Variants in CEP63 observed in about 807,000 individuals in gnomAD.
CEP63 encodes the protein centrosomal protein 63.
A neutral mutation model predicts 89.1 loss-of-function variants in CEP63; 84 were observed. That is an observed-to-expected ratio of 0.94 (90% confidence interval 0.79 to 1.13). The LOEUF (loss-of-function observed/expected upper bound fraction) is 1.13. CEP63 is among the 50% of genes most tolerant of loss of function. The probability of loss-of-function intolerance (pLI) is 0.00; values close to 1 mark genes in which losing one functional copy is unlikely to be tolerated. For missense variants in CEP63, 838 were observed against 813.3 expected, an observed-to-expected ratio of 1.03 and a Z score of -0.37; for synonymous variants, 267 against 272.5, an observed-to-expected ratio of 0.98 and a Z score of 0.20.
At chr3:134,534,394 A>G (rs1340067240) in intron 5 of CEP63, among the ~76,000 whole-genome samples, 1 of 152,194 alleles carries the variant, frequency 6.6e-6, no homozygotes, top group African/African-American at 2.4e-5. Context: ...GCATTCAATT[A>G]TCAGACTACC....
chr3:134,537,498 G>A (rs1278832013), intron 6 of CEP63, among the ~76,000 whole-genome samples: 1 of 152,020 alleles, frequency 6.6e-6, no homozygotes, highest in Non-Finnish European at 1.5e-5. Flanking sequence ...CCTTGTGCCC[G>A]CTTGCTGCTT....
intron 3 of CEP63, among the ~76,000 whole-genome samples, chr3:134,518,299 G>C (rs1946657213): frequency 6.6e-6 from 1 of 152,158 alleles, no homozygotes; most frequent in Admixed American, 6.5e-5. Flanking sequence ...ACTTAACCTA[G>C]TTAATAAACT....
chr3:134,567,257 C>T (rs576808765), downstream of CEP63, among the ~76,000 whole-genome samples: 31 of 139,986 alleles, frequency 2.2e-4, no homozygotes, highest in South Asian at 3.0e-3. Context: ...TAGGGATTGG[C>T]GGCGGAAGGT....
At chr3:134,737,265 A>G in the CEP63 span, among the ~76,000 whole-genome samples, 7 of 152,220 alleles carry the variant, frequency 4.6e-5, no homozygotes, top group African/African-American at 1.4e-4. Flanking sequence ...GCAAAACACA[A>G]TAAGCACAAA....
intron 2 of CEP63, among the ~76,000 whole-genome samples, chr3:134,497,003 G>A (rs1422265434): frequency 6.6e-6 from 1 of 152,120 alleles, no homozygotes; most frequent in Non-Finnish European, 1.5e-5. Flanking sequence ...GTTTTCACTT[G>A]CATTTTCCTG....
chr3:134,612,732 G>A, the CEP63 span, among the ~76,000 whole-genome samples: 7 of 146,690 alleles, frequency 4.8e-5, no homozygotes, highest in African/African-American at 1.3e-4. Context: ...TCTCCAGTCA[G>A]CACAATGTCA....
intron 2 of CEP63, among the ~76,000 whole-genome samples, chr3:134,497,571 T>A (rs1308527325): frequency 1.3e-5 from 2 of 152,094 alleles, no homozygotes; most frequent in Non-Finnish European, 2.9e-5. Context: ...GATCTCATTG[T>A]GTTGCTCAAG....
intron 3 of CEP63, among the ~76,000 whole-genome samples, chr3:134,530,484 G>T (rs901333224): frequency 1.3e-5 from 2 of 151,944 alleles, no homozygotes; most frequent in Non-Finnish European, 2.9e-5. Flanking sequence ...AGTCTTTTGT[G>T]TACTAAAAGT....
At chr3:134,537,778 G>A (rs559208110) in intron 6 of CEP63, among the ~76,000 whole-genome samples, 5 of 152,254 alleles carry the variant, frequency 3.3e-5, no homozygotes, top group Admixed American at 6.5e-5. Flanking sequence ...TATCTTGGCC[G>A]AAGTGTCTCA....
At chr3:134,534,948 C>T (rs540831702) in intron 5 of CEP63, among the ~76,000 whole-genome samples, 1 of 152,222 alleles carries the variant, frequency 6.6e-6, no homozygotes, top group Non-Finnish European at 1.5e-5. Flanking sequence ...CATCTGTGCC[C>T]ATGTACCCTG....
rs1353191871 is a variant in CEP63, at chr3:134,551,770, CAT to C, written c.1381-147_1381-146del. Among the ~76,000 whole-genome samples, 29 of 143,780 alleles carry C rather than the reference CAT, an allele frequency of 2.0e-4. 1 individual carries two copies. The highest frequency in any genetic ancestry group is 4.3e-4 in the African/African-American group (17 of 39,166). 94.3% of individuals were successfully genotyped at this position (143,780 alleles called of 152,430 possible). On this transcript the variant is annotated intron_variant, in intron 11 of 14. Coordinates refer to ENST00000675561, the MANE Select transcript of CEP63 (RefSeq NM_001353108.3). Reference sequence around the variant, plus strand: ...ATATATATATACACACACACACGTACATATATATATGTATATATATATATAAA... The same window carrying C: ...ATATATATATACACACACACACGTACATATATATGTATATATATATATAAA...
At chr3:134,603,714 CA>C in the CEP63 span, 1 of 1,613,782 alleles carries the variant, frequency 6.2e-7, no homozygotes, top group Non-Finnish European at 8.5e-7. Flanking sequence ...GGTTCAGGGT[CA>C]GGGGCCATGT....
chr3:134,550,034 T>C (rs890955559), intron 10 of CEP63, 29 bp from the exon 11 acceptor site: 5 of 1,530,356 alleles, frequency 3.3e-6, no homozygotes, highest in African/African-American at 2.7e-5. Context: ...CTCTTAACTT[T>C]TGGTGCTTTC....
the CEP63 span, among the ~76,000 whole-genome samples, chr3:134,697,087 G>T: frequency 6.6e-6 from 1 of 152,334 alleles, no homozygotes; most frequent in South Asian, 2.1e-4. Context: ...GTCTGGTCAA[G>T]ATACCAACTC....
the CEP63 span, among the ~76,000 whole-genome samples, chr3:134,703,832 T>A: frequency 0.17 from 25,886 of 152,196 alleles, 2,350 homozygotes; most frequent in Middle Eastern, 0.24. Context: ...ATATTTTAAA[T>A]GCATCCGTTT....
At chr3:134,522,753 T>C (rs1947749805) in intron 3 of CEP63, among the ~76,000 whole-genome samples, 1 of 152,132 alleles carries the variant, frequency 6.6e-6, no homozygotes, top group Admixed American at 6.5e-5. Flanking sequence ...TCTCATTCTT[T>C]TTTATGGCTG....
At chr3:134,738,378 G>A in the CEP63 span, among the ~76,000 whole-genome samples, 4 of 152,076 alleles carry the variant, frequency 2.6e-5, no homozygotes, top group Non-Finnish European at 1.5e-5. Context: ...ATAAACCTGC[G>A]TGTGCAAGTA....
At chr3:134,557,376 G>GTTTTTTTTTTTTTTTTTTTTTTTTTTT (rs199930556) in intron 12 of CEP63, among the ~76,000 whole-genome samples, 14 of 101,500 alleles carry the variant, frequency 1.4e-4, no homozygotes, top group East Asian at 2.6e-4. Context: ...TTCATAATTT[G>GTTTTTTTTTTTTTTTTTTTTTTTTTTT]TTTTTTTTTT....
chr3:134,715,230 T>A, the CEP63 span, among the ~76,000 whole-genome samples: 2 of 152,214 alleles, frequency 1.3e-5, no homozygotes, highest in East Asian at 3.8e-4. Context: ...TTCTGTTTTA[T>A]GAGCCCATGT....
Sources: gnomAD v4.1 joint callset for allele counts (sites outside exome capture counted in the v4.1 genomes callset) on GRCh38, gnomAD v4.1.1 for gene constraint, MANE v1.5 for transcripts, NCBI Gene and HGNC (gene_info 2026-07-23, HGNC 2026-07-21) for gene names.